Variants in CASK observed in about 807,000 individuals in gnomAD.
CASK encodes peripheral plasma membrane protein CASK.
A neutral mutation model predicts 82.9 loss-of-function variants in CASK; 4 were observed. That is an observed-to-expected ratio of 0.05 (90% CI 0.02 to 0.11). The LOEUF (loss-of-function observed/expected upper bound fraction) is 0.11. CASK is among the 10% of genes least tolerant of loss of function. The probability of loss-of-function intolerance (pLI) is 1.00; values close to 1 mark genes in which losing one functional copy is unlikely to be tolerated. For missense variants in CASK, 358 were observed against 720.9 expected (o/e 0.50, Z 5.76); for synonymous variants, 259 against 253.5 (o/e 1.02, Z -0.20).
At chrX:41,702,535 C>T (rs1426416989) in intron 5 of CASK, among the ~76,000 whole-genome samples, 2 of 112,085 alleles carry the variant, frequency 1.8e-5, no homozygotes, top group Admixed American at 1.9e-4. Flanking sequence ...GTGGCTCACG[C>T]CTGTAATTCC....
At chrX:41,882,193 G>A (rs910296028) in intron 1 of CASK, among the ~76,000 whole-genome samples, 5 of 111,243 alleles carry the variant, frequency 4.5e-5, no homozygotes, top group Non-Finnish European at 9.4e-5. Flanking sequence ...ATATCTCATA[G>A]GATATGAAAA....
intron 5 of CASK, among the ~76,000 whole-genome samples, chrX:41,686,899 A>G (rs2067451002): frequency 8.9e-6 from 1 of 112,190 alleles, no homozygotes; most frequent in Non-Finnish European, 1.9e-5. Flanking sequence ...AACAAGAGAA[A>G]GAGGAAGCGT....
intron 5 of CASK, chrX:41,696,466 G>A: frequency 8.3e-7 from 1 of 1,203,394 alleles, no homozygotes; most frequent in South Asian, 1.8e-5. Context: ...TTTACTATAT[G>A]TTTTGTTCCC....
At chrX:41,732,120 C>CA (rs945498371) in intron 5 of CASK, among the ~76,000 whole-genome samples, 1 of 109,461 alleles carries the variant, frequency 9.1e-6, no homozygotes, top group Non-Finnish European at 1.9e-5. Context: ...GTTTGGATTT[C>CA]AAAAAAACAG....
At chrX:41,544,850 A>G (rs2065000137) in intron 21 of CASK, among the ~76,000 whole-genome samples, 1 of 111,006 alleles carries the variant, frequency 9.0e-6, no homozygotes, top group African/African-American at 3.3e-5. Context: ...GCAGTGAGCC[A>G]AGACTACACC....
At chrX:41,650,393 TA>T (rs1469261675) in intron 8 of CASK, among the ~76,000 whole-genome samples, 1 of 111,490 alleles carries the variant, frequency 9.0e-6, no homozygotes, top group African/African-American at 3.3e-5. Flanking sequence ...CTGTGAACTT[TA>T]AAAAATTATA....
intron 11 of CASK, among the ~76,000 whole-genome samples, chrX:41,612,410 G>A (rs1210080031): frequency 1.9e-5 from 2 of 106,760 alleles, no homozygotes; most frequent in East Asian, 6.2e-4. Context: ...GAAGTGAGGA[G>A]CCCCTCCGCC....
At chrX:41,686,928 C>T (rs760887469) in intron 5 of CASK, among the ~76,000 whole-genome samples, 10 of 111,550 alleles carry the variant, frequency 9.0e-5, no homozygotes, top group South Asian at 7.5e-4. Flanking sequence ...GAGGACATAT[C>T]GAAAATGAGC....
intron 5 of CASK, among the ~76,000 whole-genome samples, chrX:41,700,273 A>G (rs1174137022): frequency 8.9e-6 from 1 of 111,979 alleles, no homozygotes; most frequent in African/African-American, 3.2e-5. Context: ...TCCTGCTGAC[A>G]TAAAAGTAGA....
chrX:41,784,435 G>T (rs1223520903), intron 3 of CASK, among the ~76,000 whole-genome samples: 2 of 112,257 alleles, frequency 1.8e-5, no homozygotes, highest in Non-Finnish European at 3.8e-5. Context: ...TTTGAAAAAT[G>T]AAGTCAGATT....
chrX:41,526,723 T>C (rs1234326573), intron 25 of CASK, among the ~76,000 whole-genome samples: 2 of 112,132 alleles, frequency 1.8e-5, no homozygotes, highest in Non-Finnish European at 3.8e-5. Flanking sequence ...CCAAATTTAA[T>C]GTTTATCACA....
intron 1 of CASK, among the ~76,000 whole-genome samples, chrX:41,913,814 T>G (rs2072625608): frequency 8.9e-6 from 1 of 112,256 alleles, no homozygotes; most frequent in African/African-American, 3.2e-5. Flanking sequence ...CTATCATTCC[T>G]TTTATAAATA....
At chrX:41,755,624 C>T (rs994270837) in intron 3 of CASK, among the ~76,000 whole-genome samples, 1 of 111,601 alleles carries the variant, frequency 9.0e-6, no homozygotes, top group Non-Finnish European at 1.9e-5. Context: ...TCTGGAGGTC[C>T]TAGCCAGGGC....
At chrX:41,738,818 C>T (rs1056916878) in intron 5 of CASK, among the ~76,000 whole-genome samples, 6 of 111,332 alleles carry the variant, frequency 5.4e-5, no homozygotes, top group African/African-American at 2.0e-4. Flanking sequence ...GGCTTGACAC[C>T]GTTAAAGAAC....
intron 5 of CASK, among the ~76,000 whole-genome samples, chrX:41,712,194 G>C (rs921053899): frequency 2.7e-5 from 3 of 112,668 alleles, no homozygotes; most frequent in African/African-American, 9.7e-5. Context: ...TTGAGCTGCA[G>C]CTGTGCTGCA....
intron 1 of CASK, among the ~76,000 whole-genome samples, chrX:41,862,262 A>G (rs1383377486): frequency 9.0e-6 from 1 of 110,621 alleles, no homozygotes; most frequent in African/African-American, 3.3e-5. Flanking sequence ...GGGCCCTGGC[A>G]GGGTGCAGTG....
intron 1 of CASK, among the ~76,000 whole-genome samples, chrX:41,906,598 C>T (rs2072474207): frequency 8.9e-6 from 1 of 112,426 alleles, no homozygotes; most frequent in Non-Finnish European, 1.9e-5. Flanking sequence ...TAAAGCTTAC[C>T]TCTAGCTCTT....
intron 11 of CASK, among the ~76,000 whole-genome samples, chrX:41,612,592 C>T (rs1353752390): frequency 9.7e-6 from 1 of 103,255 alleles, no homozygotes; most frequent in Non-Finnish European, 2.0e-5. Context: ...TCTGCCCAGC[C>T]GCCCCTACTG....
intron 5 of CASK, among the ~76,000 whole-genome samples, chrX:41,699,940 C>T (rs1387844123): frequency 9.0e-6 from 1 of 111,639 alleles, no homozygotes; most frequent in African/African-American, 3.3e-5. Context: ...GGAAACAGTT[C>T]CTACCTCTCC....
Sources: gnomAD v4.1 joint callset for allele counts (sites outside exome capture counted in the v4.1 genomes callset) on GRCh38, gnomAD v4.1.1 for gene constraint, MANE v1.5 for transcripts, NCBI Gene and HGNC (gene_info 2026-07-23, HGNC 2026-07-21) for gene names.